The following SH3RF3 variants were observed in gnomAD, a reference collection of about 807,000 sequenced individuals.
The protein encoded by SH3RF3 is SH3 domain containing ring finger 3.
SH3RF3 carries 29 observed loss-of-function variants against 66.3 expected under a neutral mutation model. The observed-to-expected ratio is 0.44, with a 90% CI of 0.33 to 0.60. SH3RF3 has a LOEUF of 0.60. Among genes scored for constraint, SH3RF3 ranks in the 20% least tolerant of loss-of-function variants. The probability of loss-of-function intolerance (pLI) is 0.04; values close to 1 mark genes in which losing one functional copy is unlikely to be tolerated. For missense variants in SH3RF3, 1,194 were observed against 1,190.9 expected (o/e 1.00, Z -0.04); for synonymous variants, 583 against 532.0 (o/e 1.10, Z -1.32).
chr2:109,354,569 G>T (rs76637734), intron 2 of SH3RF3, among the ~76,000 whole-genome samples: 2,368 of 152,318 alleles, frequency 0.016, 27 homozygotes, highest in Middle Eastern at 0.024. Flanking sequence ...GCTCTCCAAG[G>T]TTTTCAGTGA....
chr2:109,368,052 A>G (rs1413639604), intron 2 of SH3RF3, among the ~76,000 whole-genome samples: 1 of 152,246 alleles, frequency 6.6e-6, no homozygotes, highest in East Asian at 1.9e-4. Context: ...AATATTAGCC[A>G]GGTATGCCAT....
chr2:109,363,842 C>T (rs1296823112), intron 2 of SH3RF3, among the ~76,000 whole-genome samples: 1 of 152,114 alleles, frequency 6.6e-6, no homozygotes, highest in Non-Finnish European at 1.5e-5. Flanking sequence ...TCCTTTGCTC[C>T]TTTATAGGTA....
intron 4 of SH3RF3, among the ~76,000 whole-genome samples, chr2:109,410,303 A>C (rs1174126751): frequency 6.6e-6 from 1 of 152,220 alleles, no homozygotes; most frequent in Non-Finnish European, 1.5e-5. Flanking sequence ...GCTGTGTGCC[A>C]TTCACCTGTG....
chr2:109,470,224 G>C (rs1447652231), intron 8 of SH3RF3, among the ~76,000 whole-genome samples: 2 of 152,198 alleles, frequency 1.3e-5, no homozygotes, highest in Non-Finnish European at 2.9e-5. Context: ...GATTACTTTG[G>C]AATGACTTAT....
At chr2:109,277,684 C>G (rs1185852927) in intron 1 of SH3RF3, among the ~76,000 whole-genome samples, 1 of 152,192 alleles carries the variant, frequency 6.6e-6, no homozygotes, top group African/African-American at 2.4e-5. Context: ...CAGGGTGCCT[C>G]CCATTCATGA....
intron 5 of SH3RF3, among the ~76,000 whole-genome samples, chr2:109,422,094 G>A (rs910624867): frequency 1.3e-5 from 2 of 152,326 alleles, no homozygotes; most frequent in Middle Eastern, 3.4e-3. Context: ...TACCCGGGGT[G>A]GGGGTCTGAT....
At chr2:109,462,053 G>T (rs1678219622) in intron 8 of SH3RF3, among the ~76,000 whole-genome samples, 2 of 151,780 alleles carry the variant, frequency 1.3e-5, no homozygotes, top group Admixed American at 1.3e-4. Flanking sequence ...GAGGTAGAAG[G>T]CCTTTGAATT....
chr2:109,460,598 A>G (rs1335823098), intron 8 of SH3RF3, among the ~76,000 whole-genome samples: 4 of 152,222 alleles, frequency 2.6e-5, no homozygotes, highest in Non-Finnish European at 5.9e-5. Flanking sequence ...CTGTGGAATT[A>G]CTAAAGTCCT....
chr2:109,373,422 G>A (rs1206462991), intron 3 of SH3RF3, among the ~76,000 whole-genome samples: 1 of 152,208 alleles, frequency 6.6e-6, no homozygotes, highest in Admixed American at 6.5e-5. Context: ...CATCAACAGT[G>A]GGATGGCTGA....
intron 6 of SH3RF3, among the ~76,000 whole-genome samples, chr2:109,435,763 T>TA (rs1245894388): frequency 1.3e-5 from 2 of 152,364 alleles, no homozygotes; most frequent in African/African-American, 4.8e-5. Flanking sequence ...GAGCCCACTT[T>TA]ATTTAGTTTT....
intron 1 of SH3RF3, among the ~76,000 whole-genome samples, chr2:109,261,389 T>A (rs1680351104): frequency 6.6e-6 from 1 of 152,188 alleles, no homozygotes; most frequent in Non-Finnish European, 1.5e-5. Context: ...TTGTTTTCAT[T>A]GTAATTACAG....
chr2:109,317,560 C>G (rs998921365), intron 1 of SH3RF3, among the ~76,000 whole-genome samples: 1 of 152,204 alleles, frequency 6.6e-6, no homozygotes, highest in African/African-American at 2.4e-5. Context: ...CCTGCCTCAT[C>G]TCTTTCCCTG....
rs530354178 is a variant in SH3RF3, at chr2:109,399,298, A to G, written c.1299+355A>G. Among the ~76,000 whole-genome samples, 4 of 152,320 alleles carry G rather than the reference A, an allele frequency of 2.6e-5. No homozygotes were observed. The South Asian group carries it at 6.2e-4, about 24-fold the overall frequency. On this transcript the variant is annotated intron_variant, in intron 4 of 9. Transcript: ENST00000309415. ...GGAAGAGTCTTGGCTTAGTGCTAGC[A>G]TATTTTTACCATCTCTGCAATGTTT...
intron 1 of SH3RF3, among the ~76,000 whole-genome samples, chr2:109,245,528 A>T (rs1679895921): frequency 6.6e-6 from 1 of 152,216 alleles, no homozygotes. Context: ...AAGTAAATTA[A>T]GTTTTTATTT....
intron 1 of SH3RF3, among the ~76,000 whole-genome samples, chr2:109,320,303 C>A (rs1034263569): frequency 1.3e-4 from 20 of 152,314 alleles, no homozygotes; most frequent in African/African-American, 3.8e-4. Context: ...TGCACAGCAG[C>A]CAGTGGCCAC....
chr2:109,152,021 C>T (rs1037767955), intron 1 of SH3RF3, among the ~76,000 whole-genome samples: 1 of 152,132 alleles, frequency 6.6e-6, no homozygotes, highest in African/African-American at 2.4e-5. Flanking sequence ...TTTAAATTTC[C>T]CAATGGGAAG....
At chr2:109,418,807 G>A (rs1676793823) in intron 4 of SH3RF3, among the ~76,000 whole-genome samples, 1 of 152,142 alleles carries the variant, frequency 6.6e-6, no homozygotes, top group African/African-American at 2.4e-5. Context: ...GGAAGGCCAG[G>A]GCAGGGCGAG....
chr2:109,279,612 C>T (rs1341981698), intron 1 of SH3RF3, among the ~76,000 whole-genome samples: 2 of 152,246 alleles, frequency 1.3e-5, no homozygotes, highest in African/African-American at 4.8e-5. Context: ...GGATACCTTT[C>T]TTCCCCACCC....
intron 1 of SH3RF3, among the ~76,000 whole-genome samples, chr2:109,269,048 C>T (rs1476690024): frequency 1.3e-5 from 2 of 152,190 alleles, no homozygotes; most frequent in African/African-American, 2.4e-5. Flanking sequence ...CAGGCACAGC[C>T]CTTTCTCTTG....
Sources: gnomAD v4.1 joint callset for allele counts (sites outside exome capture counted in the v4.1 genomes callset) on GRCh38, gnomAD v4.1.1 for gene constraint, MANE v1.5 for transcripts, NCBI Gene and HGNC (gene_info 2026-07-23, HGNC 2026-07-21) for gene names.